NFXL1: variants seen among roughly 807,000 people sequenced by gnomAD.
The protein encoded by NFXL1 is NF-X1-type zinc finger protein NFXL1.
NFXL1 carries 66 observed loss-of-function variants against 123.3 expected under a neutral mutation model. The observed-to-expected ratio is 0.54, with a 90% CI of 0.44 to 0.66. The LOEUF (loss-of-function observed/expected upper bound fraction) is 0.66. Ranked by LOEUF, NFXL1 falls within the 30% of genes least tolerant of loss-of-function variation. The probability of loss-of-function intolerance (pLI) is 0.00; values close to 1 mark genes in which losing one functional copy is unlikely to be tolerated. For missense variants in NFXL1, 944 were observed against 1,125.6 expected, an observed-to-expected ratio of 0.84 and a Z score of 2.31; for synonymous variants, 346 against 360.8, an observed-to-expected ratio of 0.96 and a Z score of 0.46.
At chr4:47,897,102 G>A (rs889998887) in intron 9 of NFXL1, among the ~76,000 whole-genome samples, 1 of 152,108 alleles carries the variant, frequency 6.6e-6, no homozygotes, top group Non-Finnish European at 1.5e-5. Context: ...TTGAGGCCAG[G>A]AGTTCGAGGC....
intron 12 of NFXL1, among the ~76,000 whole-genome samples, chr4:47,886,572 G>A (rs558219716): frequency 5.3e-5 from 8 of 152,116 alleles, no homozygotes; most frequent in African/African-American, 1.9e-4. Context: ...GTCTCACTAT[G>A]TCATCCAGGC....
At chr4:47,871,530 T>G (rs1353236545) in intron 18 of NFXL1, among the ~76,000 whole-genome samples, 1 of 152,180 alleles carries the variant, frequency 6.6e-6, no homozygotes, top group Non-Finnish European at 1.5e-5. Flanking sequence ...TTCTCAAATG[T>G]TATCGTAGTA....
intron 18 of NFXL1, among the ~76,000 whole-genome samples, chr4:47,874,783 G>A (rs1048542004): frequency 3.9e-5 from 6 of 152,178 alleles, no homozygotes; most frequent in African/African-American, 1.2e-4. Flanking sequence ...AGGTGTGCCT[G>A]TATGTACAAG....
chr4:47,848,148 A>C lies in NFXL1; in HGVS notation c.*15T>G, dbSNP rs993575844. On this transcript the variant is annotated 3_prime_UTR_variant, in exon 23 of 23. Transcript: ENST00000507489. ...TAAATCCAATCTGAGTTACATTAAA[A>C]GATCAAAACTTTTTTTAATTGACAT... 6.6e-7 allele frequency: 1 copy of C among 1,525,640 alleles called. No homozygotes were observed. The highest frequency in any genetic ancestry group is 1.4e-5 in the African/African-American group (1 of 72,284). The allele number at this position is 1,525,640 out of a possible 1,614,324, so 94.5% of individuals were successfully genotyped here.
intron 19 of NFXL1, among the ~76,000 whole-genome samples, chr4:47,858,167 A>G (rs1411462326): frequency 1.3e-5 from 2 of 152,174 alleles, no homozygotes; most frequent in Non-Finnish European, 2.9e-5. Flanking sequence ...GTAAATTAAA[A>G]CCACAATGAG....
In NFXL1 at chr4:47,878,522, T is replaced by G. The variant is rs1161108135; in HGVS notation, c.2079+3A>C. The G allele has an allele frequency of 6.4e-7, 1 of 1,567,990 alleles. No homozygotes were observed. Among genetic ancestry groups the G allele is most frequent in the Non-Finnish European group, 8.6e-7 (1 of 1,158,138 alleles). On this transcript the variant is annotated splice_donor_region_variant and intron_variant, in intron 17 of 22. Transcript: ENST00000507489. The stretch of plus-strand genomic sequence containing the variant: ...AGATATACATTCAATCTAAGAACAT[T>G]ACCTTGTTTTTTCCAGTGCAGCCAT...
At chr4:47,890,748 A>T in intron 11 of NFXL1, 45 bp from the exon 12 acceptor site, 3 of 1,082,038 alleles carry the variant, frequency 2.8e-6, no homozygotes, top group Non-Finnish European at 4.3e-6. Context: ...TCAAAAACCC[A>T]TGAATAATAG....
intron 3 of NFXL1, among the ~76,000 whole-genome samples, chr4:47,906,088 C>A (rs1171589157): frequency 6.6e-6 from 1 of 152,170 alleles, no homozygotes; most frequent in Non-Finnish European, 1.5e-5. Context: ...CTCTTAACCT[C>A]TATGCTGCAC....
chr4:47,896,477 T>A (rs758717947), intron 10 of NFXL1, 46 bp downstream of exon 10: 2 of 1,479,200 alleles, frequency 1.4e-6, no homozygotes, highest in Non-Finnish European at 1.9e-6. Flanking sequence ...TTTGATACAT[T>A]ATGATAGGTA....
rs1734080495 is a variant in NFXL1 at position 47,850,927 on chromosome 4, A to G, written c.2562+168T>C. The G allele has an allele frequency of 7.1e-6, 4 of 565,382 alleles. No individual in the cohort carries two copies. In the East Asian group the frequency reaches 1.2e-4, roughly 16 times the overall value. 35.0% of individuals were successfully genotyped at this position (565,382 alleles called of 1,614,324 possible). ...TCTCATACCTTTTCAGAGTTTCAGT[A>G]TACTTAAAGTCAAGTTAGTAGATGG... On this transcript the variant is annotated intron_variant, in intron 22 of 22. Transcript: ENST00000507489.
intron 3 of NFXL1, among the ~76,000 whole-genome samples, chr4:47,908,246 ACT>A (rs1491570800): frequency 6.6e-6 from 1 of 152,104 alleles, no homozygotes; most frequent in Non-Finnish European, 1.5e-5. Flanking sequence ...ACAGGAAAAC[ACT>A]GTCTCTACAA....
intron 20 of NFXL1, chr4:47,852,177 A>C: frequency 2.3e-6 from 1 of 428,324 alleles, no homozygotes. Flanking sequence ...CAACTTAATA[A>C]TTACTATGTG....
chr4:47,909,627 T>C (rs1021440949), intron 3 of NFXL1, among the ~76,000 whole-genome samples: 14 of 152,004 alleles, frequency 9.2e-5, no homozygotes, highest in African/African-American at 2.7e-4. Flanking sequence ...TTAATAAATG[T>C]TGACATTACA....
rs202097806 is a variant in NFXL1 at position 47,896,479 on chromosome 4, T to C, written c.1329+44A>G. 4 of 1,495,006 alleles carry C rather than the reference T, an allele frequency of 2.7e-6. No homozygotes were observed. In the East Asian group the frequency reaches 9.0e-5, roughly 34 times the overall value. The allele number at this position is 1,495,006 out of a possible 1,614,324, so 92.6% of individuals were successfully genotyped here. A position where few individuals can be genotyped will look rare whatever the true frequency, so the allele number is the denominator to read the frequency against. ...CAGGACAATCTCATTTGATACATTA[T>C]GATAGGTAGCTCTTAAAAGTAATTA... On this transcript the variant is annotated intron_variant, in intron 10 of 22. Transcript: ENST00000507489.
At chr4:47,909,124 T>C (rs1198140049) in intron 3 of NFXL1, among the ~76,000 whole-genome samples, 1 of 152,080 alleles carries the variant, frequency 6.6e-6, no homozygotes, top group Non-Finnish European at 1.5e-5. Flanking sequence ...CACATACTGA[T>C]TCATTTCATC....
At position 47,898,799 on chromosome 4, in the gene NFXL1, T is replaced by C. The variant is rs540874859; in HGVS notation, c.1047A>G (p.Val349=). 1 of 1,613,920 alleles carries C rather than the reference T, an allele frequency of 6.2e-7. No homozygotes were observed. The highest frequency in any genetic ancestry group is 8.5e-7 in the Non-Finnish European group (1 of 1,179,846). Reference sequence around the variant, plus strand: ...GTGGACTTGCACAACTTCTTTCAGCTACTTTTTTGCCACAGACACACTTTT... The same window carrying C: ...GTGGACTTGCACAACTTCTTTCAGCCACTTTTTTGCCACAGACACACTTTT... ...SRQKCVCGKK[V]AERSCASPLW... The change falls in exon 8 of 23, where the codon GTA becomes GTG. Residue 349 remains valine, a synonymous_variant. Coordinates refer to ENST00000507489, the MANE Select transcript of NFXL1 (RefSeq NM_001278624.2).
chr4:47,913,080 T>A (rs1029670715), intron 2 of NFXL1, among the ~76,000 whole-genome samples: 2 of 148,960 alleles, frequency 1.3e-5, no homozygotes, highest in Admixed American at 1.3e-4. Flanking sequence ...TACCTTATCA[T>A]CACGGCCATT....
chr4:47,881,705 A>C (rs1438763763), intron 15 of NFXL1, among the ~76,000 whole-genome samples: 1 of 152,174 alleles, frequency 6.6e-6, no homozygotes, highest in Admixed American at 6.5e-5. Context: ...AATGATAAAA[A>C]TAAATGAGCT....
chr4:47,849,982 A>G (rs1336903871), intron 22 of NFXL1, among the ~76,000 whole-genome samples: 1 of 151,966 alleles, frequency 6.6e-6, no homozygotes, highest in East Asian at 1.9e-4. Context: ...GTTTTGAAAC[A>G]AATTTTCGAT....
Sources: allele counts gnomAD v4.1 joint callset (sites outside exome capture counted in the v4.1 genomes callset), GRCh38; gene constraint gnomAD v4.1.1; transcripts MANE v1.5; gene names NCBI Gene and HGNC (gene_info 2026-07-23, HGNC 2026-07-21).